Variants in GLIS3 observed in about 807,000 individuals in gnomAD.
The protein encoded by GLIS3 is GLIS family zinc finger 3, also known as zinc finger protein GLIS3.
GLIS3 carries 53 observed loss-of-function variants against 78.6 expected under a neutral mutation model. That is an observed-to-expected ratio of 0.67 (90% CI 0.54 to 0.85). GLIS3 has a LOEUF of 0.85. Among genes scored for constraint, GLIS3 ranks in the 40% least tolerant of loss-of-function variants. GLIS3 has a pLI of 0.00. For missense variants in GLIS3, 1,703 were observed against 1,231.1 expected, an observed-to-expected ratio of 1.38 and a Z score of -5.74; for synonymous variants, 684 against 509.9, an observed-to-expected ratio of 1.34 and a Z score of -4.60.
chr9:4,422,573 A>C, the GLIS3 span, among the ~76,000 whole-genome samples: 1 of 152,200 alleles, frequency 6.6e-6, no homozygotes, highest in Non-Finnish European at 1.5e-5. Flanking sequence ...AATATCAGTT[A>C]CATATCTCTC....
At chr9:4,477,652 G>A in the GLIS3 span, among the ~76,000 whole-genome samples, 9 of 152,032 alleles carry the variant, frequency 5.9e-5, no homozygotes, top group East Asian at 1.9e-4. Context: ...GAGCTCAAGC[G>A]ATCCTCCCGC....
At chr9:4,390,075 C>G in the GLIS3 span, among the ~76,000 whole-genome samples, 1 of 152,132 alleles carries the variant, frequency 6.6e-6, no homozygotes, top group Non-Finnish European at 1.5e-5. Context: ...AAATTTCTGG[C>G]AGAGGAGAAA....
chr9:3,934,700 T>G (rs1825798426), intron 5 of GLIS3, among the ~76,000 whole-genome samples: 1 of 152,200 alleles, frequency 6.6e-6, no homozygotes, highest in Non-Finnish European at 1.5e-5. Flanking sequence ...TGAGCCACCG[T>G]GCCCAGCCTT....
At chr9:4,193,490 A>C (rs1818515886) in intron 2 of GLIS3, among the ~76,000 whole-genome samples, 1 of 152,250 alleles carries the variant, frequency 6.6e-6, no homozygotes, top group Non-Finnish European at 1.5e-5. Context: ...TAAAAGAAGG[A>C]AGATCAGTAA....
intron 2 of GLIS3, among the ~76,000 whole-genome samples, chr9:4,167,315 T>G (rs915977709): frequency 6.6e-6 from 1 of 152,190 alleles, no homozygotes; most frequent in African/African-American, 2.4e-5. Context: ...CTGAGTGAAA[T>G]TGCTAAATTC....
At chr9:4,285,980 G>C in intron 2 of GLIS3, 58 bp downstream of exon 2, 1 of 1,598,916 alleles carries the variant, frequency 6.3e-7, no homozygotes. Flanking sequence ...GCAGAAAATG[G>C]GATGGGGGAG....
At position 4,316,413 on chromosome 9, in the gene GLIS3, T is replaced by C. The variant is rs148102632; in HGVS notation, n.265-5885A>G. Among the ~76,000 whole-genome samples, 405 of 152,312 alleles carry C rather than the reference T, an allele frequency of 2.7e-3. 3 individuals carry two copies. Among genetic ancestry groups the C allele is most frequent in the African/African-American group, 9.5e-3 (393 of 41,574 alleles). ...TATTTTAGCAGCTCCTACTCCTTGC[T>C]AGGGACAGAGTAGTACAGCAGGTCC... On this transcript the variant is annotated intron_variant and non_coding_transcript_variant, in intron 2 of 4. Transcript: ENST00000471664.
the GLIS3 span, among the ~76,000 whole-genome samples, chr9:4,425,534 G>T: frequency 2.0e-3 from 299 of 152,324 alleles, 2 homozygotes; most frequent in African/African-American, 5.8e-3. Context: ...CATAGGCTTT[G>T]CCCACAGATT....
intron 9 of GLIS3, among the ~76,000 whole-genome samples, chr9:3,833,480 T>A (rs7024250): frequency 6.6e-6 from 1 of 152,128 alleles, no homozygotes; most frequent in African/African-American, 2.4e-5. Flanking sequence ...ATAACACTAC[T>A]TCTCGGACCC....
At position 3,956,745 on chromosome 9, in the gene GLIS3, A is replaced by G. The variant is rs115284224; in HGVS notation, c.1711-19556T>C. Among the ~76,000 whole-genome samples the G allele has an allele frequency of 4.6e-3, 704 of 152,274 alleles. 7 individuals carry two copies. The highest frequency in any genetic ancestry group is 0.017 in the African/African-American group (687 of 41,536). ...CATGTGCCAACTTTGAATAATCCTC[A>G]AACAGTAATTTCATTACAGAAACAA... On this transcript the variant is annotated intron_variant, in intron 4 of 10. Coordinates refer to ENST00000381971, the MANE Select transcript of GLIS3 (RefSeq NM_001042413.2).
intron 4 of GLIS3, among the ~76,000 whole-genome samples, chr9:4,078,973 C>G (rs1289238848): frequency 2.6e-5 from 4 of 152,112 alleles, no homozygotes; most frequent in Non-Finnish European, 4.4e-5. Context: ...TTTTCCAGGT[C>G]TTTGGCTGAA....
At chr9:3,851,373 G>C (rs1398027984) in intron 9 of GLIS3, among the ~76,000 whole-genome samples, 2 of 152,164 alleles carry the variant, frequency 1.3e-5, no homozygotes, top group Non-Finnish European at 2.9e-5. Context: ...GCACTAAGAA[G>C]TTGCCTTGGA....
At chr9:4,162,261 T>C (rs1436036365) in intron 2 of GLIS3, among the ~76,000 whole-genome samples, 2 of 151,988 alleles carry the variant, frequency 1.3e-5, no homozygotes, top group East Asian at 3.9e-4. Flanking sequence ...CCCACTCTAA[T>C]CCGGTATGAC....
chr9:4,054,615 A>G, intron 4 of GLIS3: 1 of 333,786 alleles, frequency 3.0e-6, no homozygotes, highest in Non-Finnish European at 4.3e-6. Flanking sequence ...TTAAAGATCT[A>G]ATTGTCATTC....
intron 4 of GLIS3, among the ~76,000 whole-genome samples, chr9:4,053,548 C>T (rs947813825): frequency 1.3e-5 from 2 of 151,402 alleles, no homozygotes; most frequent in African/African-American, 4.9e-5. Flanking sequence ...CTGTCTTGTT[C>T]GACAGAATAT....
chr9:3,898,104 C>A (rs1171756710), intron 7 of GLIS3: 1 of 167,158 alleles, frequency 6.0e-6, no homozygotes, highest in African/African-American at 2.4e-5. Context: ...GTATATTAAT[C>A]TTTTCTTATT....
chr9:4,462,856 T>C, the GLIS3 span, among the ~76,000 whole-genome samples: 1 of 152,126 alleles, frequency 6.6e-6, no homozygotes, highest in Admixed American at 6.6e-5. Context: ...TCCCAAATCG[T>C]TTGAAAAGCA....
intron 4 of GLIS3, among the ~76,000 whole-genome samples, chr9:4,307,170 A>G (rs1358212087): frequency 2.0e-5 from 3 of 152,174 alleles, no homozygotes; most frequent in African/African-American, 4.8e-5. Context: ...GTAGAGGCTA[A>G]TGAGTGGTGG....
the GLIS3 span, among the ~76,000 whole-genome samples, chr9:4,438,730 T>C: frequency 6.6e-6 from 1 of 152,176 alleles, no homozygotes; most frequent in African/African-American, 2.4e-5. Flanking sequence ...CAAGATCTGA[T>C]TGTTCTATAA....
Sources: allele counts gnomAD v4.1 joint callset (sites outside exome capture counted in the v4.1 genomes callset), GRCh38; gene constraint gnomAD v4.1.1; transcripts MANE v1.5; gene names NCBI Gene and HGNC (gene_info 2026-07-23, HGNC 2026-07-21).